WWOX: variants seen among roughly 807,000 people sequenced by gnomAD.
WWOX encodes WW domain-containing oxidoreductase.
WWOX carries 69 observed loss-of-function variants against 46.2 expected under a neutral mutation model. The observed-to-expected ratio is 1.49, with a 90% CI of 1.23 to 1.82. The LOEUF is 1.82. Among genes scored for constraint, WWOX ranks in the 40% most tolerant of loss-of-function variants. The pLI, the probability that WWOX is intolerant of heterozygous loss-of-function variation, is 0.00. For missense variants in WWOX, 919 were observed against 542.6 expected, an observed-to-expected ratio of 1.69 and a Z score of -6.89; for synonymous variants, 359 against 202.6, an observed-to-expected ratio of 1.77 and a Z score of -6.56.
chr16:78,825,490 C>T (rs1358155649), intron 8 of WWOX: 3 of 467,912 alleles, frequency 6.4e-6, no homozygotes, highest in Non-Finnish European at 1.3e-5. Flanking sequence ...GAATTGACTG[C>T]TGTAGTTCAG....
intron 8 of WWOX, among the ~76,000 whole-genome samples, chr16:78,720,711 T>C (rs1259891082): frequency 2.0e-5 from 3 of 152,180 alleles, no homozygotes; most frequent in East Asian, 3.9e-4. Context: ...CAAGCGTGGT[T>C]TACACTATAA....
At chr16:78,625,454 A>G (rs2046290125) in intron 8 of WWOX, among the ~76,000 whole-genome samples, 1 of 152,158 alleles carries the variant, frequency 6.6e-6, no homozygotes, top group African/African-American at 2.4e-5. Context: ...CAGTTGGTAC[A>G]TATTTTATTT....
At chr16:79,143,900 G>A (rs1339663348) in intron 8 of WWOX, among the ~76,000 whole-genome samples, 1 of 152,060 alleles carries the variant, frequency 6.6e-6, no homozygotes, top group African/African-American at 2.4e-5. Flanking sequence ...ATGAAAATAA[G>A]ATGAGCTTAA....
intron 5 of WWOX, among the ~76,000 whole-genome samples, chr16:78,365,606 C>T (rs114962329): frequency 8.5e-5 from 13 of 152,302 alleles, no homozygotes; most frequent in African/African-American, 3.1e-4. Flanking sequence ...TAATTCTTTC[C>T]ACATTATGAA....
chr16:78,177,067 G>T (rs2035373828), intron 5 of WWOX, among the ~76,000 whole-genome samples: 1 of 152,202 alleles, frequency 6.6e-6, no homozygotes, highest in Admixed American at 6.5e-5. Context: ...CCAGCCATCT[G>T]TGGTTTGCAG....
intron 8 of WWOX, among the ~76,000 whole-genome samples, chr16:78,808,000 A>T (rs148344839): frequency 1.3e-5 from 2 of 151,918 alleles, no homozygotes; most frequent in African/African-American, 4.8e-5. Context: ...TTCCATGTTC[A>T]CTCCAGAATT....
intron 8 of WWOX, among the ~76,000 whole-genome samples, chr16:78,627,024 C>T (rs565115234): frequency 3.3e-5 from 5 of 151,892 alleles, no homozygotes; most frequent in African/African-American, 7.3e-5. Flanking sequence ...GCTTTTTGTG[C>T]CTCCTCTTCC....
At chr16:78,561,244 C>G (rs532712732) in intron 8 of WWOX, among the ~76,000 whole-genome samples, 2 of 152,236 alleles carry the variant, frequency 1.3e-5, no homozygotes, top group African/African-American at 4.8e-5. Flanking sequence ...GCATGGAGTC[C>G]CCTCCTGCTT....
intron 8 of WWOX, among the ~76,000 whole-genome samples, chr16:78,763,262 A>G (rs958066354): frequency 6.6e-5 from 10 of 152,262 alleles, no homozygotes; most frequent in African/African-American, 2.2e-4. Flanking sequence ...TGCATCCTGC[A>G]AATTTTGGTA....
chr16:78,373,743 G>T (rs1377606302), intron 5 of WWOX, among the ~76,000 whole-genome samples: 2 of 151,602 alleles, frequency 1.3e-5, no homozygotes, highest in East Asian at 3.9e-4. Context: ...ATTTCATTGT[G>T]TTTTCTTCAC....
chr16:78,477,603 T>C (rs562817036), intron 8 of WWOX, among the ~76,000 whole-genome samples: 5 of 151,366 alleles, frequency 3.3e-5, no homozygotes, highest in Middle Eastern at 3.4e-3. Flanking sequence ...GAATTTCTAA[T>C]GTGAGATTTT....
At position 78,805,228 on chromosome 16, in the gene WWOX, T is replaced by C. The variant is rs369876198; in HGVS notation, c.1056+372476T>C. Among the ~76,000 whole-genome samples the C allele has an allele frequency of 7.2e-5, 11 of 152,270 alleles. No individual in the cohort carries two copies. In the South Asian group the frequency reaches 2.3e-3, roughly 32 times the overall value. ...GACCTGATGAGTTCACCACTGCCTC[T>C]GGAGAATCAAATCCAAAACAGCATA... is the stretch of plus-strand genomic sequence containing the variant. On this transcript the variant is annotated intron_variant, in intron 8 of 8. Transcript: ENST00000566780.
chr16:78,439,688 G>A (rs1188909917), intron 8 of WWOX, among the ~76,000 whole-genome samples: 1 of 152,164 alleles, frequency 6.6e-6, no homozygotes, highest in African/African-American at 2.4e-5. Context: ...GCTGCTTTAG[G>A]CCGCAAGTTA....
intron 5 of WWOX, among the ~76,000 whole-genome samples, chr16:78,308,699 A>G (rs1261848384): frequency 6.6e-6 from 1 of 152,110 alleles, no homozygotes; most frequent in African/African-American, 2.4e-5. Flanking sequence ...TTTAGTTTTG[A>G]TAAGAGATAT....
chr16:78,648,678 C>T (rs979377987), intron 8 of WWOX, among the ~76,000 whole-genome samples: 1 of 152,172 alleles, frequency 6.6e-6, no homozygotes, highest in Non-Finnish European at 1.5e-5. Flanking sequence ...GGGAGCCCAC[C>T]TCCGGCTTCC....
chr16:78,423,394 AT>A (rs1375869920), intron 6 of WWOX, among the ~76,000 whole-genome samples: 1 of 152,156 alleles, frequency 6.6e-6, no homozygotes, highest in African/African-American at 2.4e-5. Flanking sequence ...TCAATGGTAT[AT>A]TTAGTTTACT....
At chr16:78,931,333 T>G (rs570689798) in intron 8 of WWOX, among the ~76,000 whole-genome samples, 25 of 152,248 alleles carry the variant, frequency 1.6e-4, no homozygotes, top group Middle Eastern at 6.8e-3. Flanking sequence ...CTTCTTCTCT[T>G]TGGAGACTGA....
chr16:78,569,771 T>C (rs2044666995), intron 8 of WWOX, among the ~76,000 whole-genome samples: 1 of 152,220 alleles, frequency 6.6e-6, no homozygotes, highest in Admixed American at 6.5e-5. Context: ...TCTTGAACCT[T>C]TTATCCTCTT....
intron 5 of WWOX, among the ~76,000 whole-genome samples, chr16:78,194,452 G>T (rs13329954): frequency 6.6e-6 from 1 of 151,630 alleles, no homozygotes; most frequent in Non-Finnish European, 1.5e-5. Flanking sequence ...GCCTGGCGTG[G>T]TGGTGGGCAC....
Sources: allele counts gnomAD v4.1 joint callset (sites outside exome capture counted in the v4.1 genomes callset), GRCh38; gene constraint gnomAD v4.1.1; transcripts MANE v1.5; gene names NCBI Gene and HGNC (gene_info 2026-07-23, HGNC 2026-07-21).